The following NEK5 variants were observed in gnomAD, a reference collection of about 807,000 sequenced individuals.
The protein encoded by NEK5 is NIMA related kinase 5.
A neutral mutation model predicts 109.2 loss-of-function variants in NEK5; 88 were observed. The observed-to-expected ratio is 0.81, with a 90% CI of 0.68 to 0.96. NEK5 has a LOEUF of 0.96. Ranked by LOEUF, NEK5 falls within the 40% of genes least tolerant of loss-of-function variation. The pLI is 0.00. For missense variants in NEK5, 834 were observed against 920.7 expected (o/e 0.91, Z 1.22); for synonymous variants, 283 against 299.9 (o/e 0.94, Z 0.58).
chr13:52,041,728 C>CTAAAA (rs1954415766), intron 23 of NEK5, among the ~76,000 whole-genome samples: 1 of 48,120 alleles, frequency 2.1e-5, no homozygotes, highest in Non-Finnish European at 3.5e-5. Flanking sequence ...AACTCTGTCT[C>CTAAAA]AAAAAAAAAA....
rs115518623 is a variant in NEK5, at chr13:52,108,953, A to C, written c.468-549T>G. Among the ~76,000 whole-genome samples the C allele has an allele frequency of 5.7e-3, 861 of 152,374 alleles. 9 individuals carry two copies. The highest frequency in any genetic ancestry group is 0.02 in the African/African-American group (817 of 41,582). On this transcript the variant is annotated intron_variant, in intron 7 of 23. Coordinates refer to ENST00000684899, the MANE Select transcript of NEK5 (RefSeq NM_001365552.1). ...AACCATAAATGTTTATGATATATTCAGGTACATGGCCATGGCCATGCCAAG... is the reference window on the plus strand; with the variant it reads ...AACCATAAATGTTTATGATATATTCCGGTACATGGCCATGGCCATGCCAAG...
At chr13:52,113,744 A>G (rs1014987158) in intron 4 of NEK5, among the ~76,000 whole-genome samples, 2 of 151,740 alleles carry the variant, frequency 1.3e-5, no homozygotes, top group Non-Finnish European at 2.9e-5. Flanking sequence ...CCAAATGTAT[A>G]TGTTGAAATT....
intron 20 of NEK5, among the ~76,000 whole-genome samples, chr13:52,070,170 T>C (rs1954761332): frequency 6.6e-6 from 1 of 152,136 alleles, no homozygotes; most frequent in African/African-American, 2.4e-5. Flanking sequence ...ATTCCAGCTG[T>C]AGGAGAAAAT....
chr13:52,090,875 A>T (rs1444084645), intron 13 of NEK5, among the ~76,000 whole-genome samples: 1 of 152,080 alleles, frequency 6.6e-6, no homozygotes, highest in Non-Finnish European at 1.5e-5. Flanking sequence ...AATACAAAAA[A>T]ATTAACCAGG....
chr13:52,097,655 CA>C (rs935329134), intron 12 of NEK5, among the ~76,000 whole-genome samples: 10 of 152,192 alleles, frequency 6.6e-5, no homozygotes, highest in South Asian at 2.1e-4. Context: ...TTTTATTTTA[CA>C]GCCTCACAGG....
rs1954329733 is a variant in NEK5 at position 52,033,667 on chromosome 13, T to G, written c.*3281A>C. The G allele has an allele frequency of 6.2e-6, 1 of 160,160 alleles. No homozygotes were observed. The highest frequency in any genetic ancestry group is 6.5e-5 in the Admixed American group (1 of 15,278). The allele number at this position is 160,160 out of a possible 1,614,324, so 9.9% of individuals were successfully genotyped here. A position where few individuals can be genotyped will look rare whatever the true frequency, so the allele number is the denominator to read the frequency against. On this transcript the variant is annotated 3_prime_UTR_variant, in exon 24 of 24. Coordinates refer to ENST00000684899, the MANE Select transcript of NEK5 (RefSeq NM_001365552.1). Reference sequence around the variant, plus strand: ...CAGACATAACAAAAAACTGCAGAGCTTCGTACACTTGATTTAAATAATTCT... The same window carrying G: ...CAGACATAACAAAAAACTGCAGAGCGTCGTACACTTGATTTAAATAATTCT...
intron 23 of NEK5, among the ~76,000 whole-genome samples, chr13:52,043,496 C>T (rs1954431208): frequency 6.8e-6 from 1 of 146,208 alleles, no homozygotes; most frequent in Non-Finnish European, 1.5e-5. Context: ...GAGATCACAC[C>T]ACTGCACTCC....
In NEK5 at chr13:52,108,309, G is replaced by T. The variant is rs201491140; in HGVS notation, c.554+9C>A. On this transcript the variant is annotated intron_variant, in intron 8 of 23. Coordinates refer to ENST00000684899, the MANE Select transcript of NEK5 (RefSeq NM_001365552.1). ...ACTGACACTTTCAAACTAAGAGTCA[G>T]CAACTTACGTTTTATTGTTGTAGGG... is the stretch of plus-strand genomic sequence containing the variant. 3.6e-5 allele frequency: 57 copies of T among 1,566,190 alleles called. No homozygotes were observed. Among genetic ancestry groups the T allele is most frequent in the Non-Finnish European group, 4.7e-5 (54 of 1,140,442 alleles).
Position 52,112,355 on chromosome 13 carries a change from C to G in NEK5, c.225G>C (p.Arg75Ser), listed in dbSNP as rs759020001. The G allele has an allele frequency of 4.4e-6, 7 of 1,597,868 alleles. No homozygotes were observed. In the African/African-American group the frequency reaches 8.0e-5, roughly 18 times the overall value. ...AFFNSFQENGRLFIVMEYCDG... is the reference protein window; with the variant it reads ...AFFNSFQENGSLFIVMEYCDG... ...CACAATATTCCATTACAATAAACAG[C>G]CTGCCATTCTCTGTAAGAAAAGGAA... Residue 75 changes from arginine (R) to serine (S), a missense_variant, in exon 5 of 24, where the codon AGG becomes AGC. Physicochemically the swap from Arg to Ser is moderately radical, Grantham distance 110. Around this residue, in one of 2 missense-constraint regions of NEK5, gnomAD observed 777 missense variants for 824.7 expected, o/e 0.94. Coordinates refer to ENST00000684899, the MANE Select transcript of NEK5 (RefSeq NM_001365552.1).
intron 4 of NEK5, among the ~76,000 whole-genome samples, chr13:52,117,326 G>C (rs1038751335): frequency 6.6e-6 from 1 of 152,148 alleles, no homozygotes; most frequent in Non-Finnish European, 1.5e-5. Context: ...AAAAGACAGA[G>C]GCTACAAGGC....
At chr13:52,046,815 T>C (rs1402440383) in intron 23 of NEK5, among the ~76,000 whole-genome samples, 2 of 151,922 alleles carry the variant, frequency 1.3e-5, no homozygotes, top group Admixed American at 6.6e-5. Context: ...CAAGTCACCA[T>C]AAACAAAATA....
intron 17 of NEK5, among the ~76,000 whole-genome samples, chr13:52,081,460 T>C (rs1276034044): frequency 6.6e-6 from 1 of 152,194 alleles, no homozygotes; most frequent in Non-Finnish European, 1.5e-5. Flanking sequence ...TAGCTGGAAC[T>C]ATAGTCTCGT....
At chr13:52,064,416 G>A (rs565007623) in intron 21 of NEK5, among the ~76,000 whole-genome samples, 43 of 141,650 alleles carry the variant, frequency 3.0e-4, no homozygotes, top group Admixed American at 9.0e-4. Context: ...CCAGCCCCCC[G>A]CCCGGCCAGC....
In NEK5 at chr13:52,102,173, A is replaced by G; in HGVS notation, c.729T>C (p.Ser243=). ...AATTTATGGATGGTCGGTCTCGAGG[A>G]GATACTTGAAAGAGCTGAGATATCA... is the stretch of plus-strand genomic sequence containing the variant. ...HSLISQLFQV[S]PRDRPSINSI... is the part of the protein sequence containing the mutation. The change falls in exon 10 of 24, where the codon TCT becomes TCC. Residue 243 remains serine (S), a synonymous_variant. Coordinates refer to ENST00000684899, the MANE Select transcript of NEK5 (RefSeq NM_001365552.1). The G allele has an allele frequency of 1.2e-5, 19 of 1,613,932 alleles. No homozygotes were observed. The highest frequency in any genetic ancestry group is 1.6e-5 in the Non-Finnish European group (19 of 1,179,812).
Position 52,075,767 on chromosome 13 carries a change from T to C in NEK5, c.1713A>G (p.Gln571=), listed in dbSNP as rs1451358132. 1.3e-6 allele frequency: 2 copies of C among 1,572,588 alleles called. No individual in the cohort carries two copies. The highest frequency in any genetic ancestry group is 1.7e-6 in the Non-Finnish European group (2 of 1,156,422). ...AGACTTAATGGCATACCTCTTCCTC[T>C]TGGAGGATGTTTTCATCAGAAATAC... ...DKCISDENIL[Q]EEEAMDIPNE... is the part of the protein sequence containing the mutation. The change falls in exon 19 of 24, where the codon CAA becomes CAG. Residue 571 remains glutamine, a synonymous_variant. Coordinates refer to ENST00000684899, the MANE Select transcript of NEK5 (RefSeq NM_001365552.1).
At chr13:52,085,530 T>C (rs1180722282) in intron 16 of NEK5, among the ~76,000 whole-genome samples, 1 of 152,176 alleles carries the variant, frequency 6.6e-6, no homozygotes, top group Non-Finnish European at 1.5e-5. Flanking sequence ...TTCAGCAGCA[T>C]GGTAGCTCTA....
At chr13:52,109,142 G>C (rs1175706172) in intron 7 of NEK5, among the ~76,000 whole-genome samples, 1 of 152,166 alleles carries the variant, frequency 6.6e-6, no homozygotes, top group Admixed American at 6.5e-5. Flanking sequence ...TATTTTGCTA[G>C]AAAGTGTGTA....
At chr13:52,083,142 C>T (rs550209216) in intron 17 of NEK5, 118 bp downstream of exon 17, 21 of 654,502 alleles carry the variant, frequency 3.2e-5, no homozygotes, top group Middle Eastern at 5.2e-4. Context: ...GAGACTCCGT[C>T]TCATAGAAAA....
intron 4 of NEK5, among the ~76,000 whole-genome samples, chr13:52,114,033 T>C (rs1238404949): frequency 6.6e-6 from 1 of 152,220 alleles, no homozygotes; most frequent in Non-Finnish European, 1.5e-5. Flanking sequence ...TATTTTGTTA[T>C]AGCTGCTGGA....
Sources: allele counts gnomAD v4.1 joint callset (sites outside exome capture counted in the v4.1 genomes callset), GRCh38; gene constraint gnomAD v4.1.1; regional missense constraint gnomAD v4.1.1; transcripts MANE v1.5; gene names NCBI Gene and HGNC (gene_info 2026-07-23, HGNC 2026-07-21).